The following KCNQ1 variants were observed in gnomAD, a reference collection of about 807,000 sequenced individuals.
The protein encoded by KCNQ1 is potassium voltage-gated channel subfamily KQT member 1.
A neutral mutation model predicts 72.4 loss-of-function variants in KCNQ1; 49 were observed. The observed-to-expected ratio is 0.68, with a 90% CI of 0.54 to 0.86. KCNQ1 has a LOEUF of 0.86. KCNQ1 is among the 40% of genes least tolerant of loss of function. KCNQ1 has a pLI of 0.00. For missense variants in KCNQ1, 790 were observed against 945.1 expected (o/e 0.84, Z 2.15); for synonymous variants, 450 against 412.6 (o/e 1.09, Z -1.10).
chr11:2,496,456 AAAT>A (rs1846918570), intron 1 of KCNQ1, among the ~76,000 whole-genome samples: 1 of 150,440 alleles, frequency 6.6e-6, no homozygotes, highest in East Asian at 1.9e-4. Context: ...AAAAAATAAA[AAAT>A]AAAATTAAAA....
At chr11:2,466,144 C>G (rs897918393) in intron 1 of KCNQ1, among the ~76,000 whole-genome samples, 1 of 152,180 alleles carries the variant, frequency 6.6e-6, no homozygotes, top group African/African-American at 2.4e-5. Context: ...TAGGGAGTGT[C>G]GCTGAGGAAG....
chr11:2,629,839 A>G (rs1168757470), intron 10 of KCNQ1: 2 of 397,432 alleles, frequency 5.0e-6, no homozygotes, highest in Non-Finnish European at 8.9e-6. Flanking sequence ...AGTCTGTAGC[A>G]TTTTCTACAT....
rs1847615321 is a variant in KCNQ1 at position 2,816,422 on chromosome 11, A to G, written c.1795-31345A>G. 1.3e-5 allele frequency among the ~76,000 whole-genome samples: 2 copies of G among 152,346 alleles called. No homozygotes were observed. Among genetic ancestry groups the G allele is most frequent in the African/African-American group, 4.8e-5 (2 of 41,586 alleles). On this transcript the variant is annotated intron_variant, in intron 15 of 15. Coordinates refer to ENST00000155840, the MANE Select transcript of KCNQ1 (RefSeq NM_000218.3). The surrounding 1 kb of genome is among the most constrained non-coding windows in gnomAD (Gnocchi z 6.8). ...TGAGACCACACTCACCCTGTGGTCC[A>G]GTGATCTCCTTCTGAGAATCCGCCC...
rs1054115951 is a variant in KCNQ1 at position 2,676,899 on chromosome 11, T to C, written c.1514+14818T>C. 2 of 398,508 alleles carry C rather than the reference T, an allele frequency of 5.0e-6. No individual in the cohort carries two copies. The highest frequency in any genetic ancestry group is 4.4e-6 in the Non-Finnish European group (1 of 226,060). The allele number at this position is 398,508 out of a possible 1,614,324, so 24.7% of individuals were successfully genotyped here. A position where few individuals can be genotyped will look rare whatever the true frequency, so the allele number is the denominator to read the frequency against. On this transcript the variant is annotated intron_variant, in intron 11 of 15. Coordinates refer to ENST00000155840, the MANE Select transcript of KCNQ1 (RefSeq NM_000218.3). This position sits in a 1 kb window ranked among gnomAD's most constrained non-coding sequence, Gnocchi z 4.2. ...TTTCTTAGTAAGTGTTCAGCCCCAG[T>C]GTGCACCACTTAAAAGGAAGACACT...
rs1042722806 is a variant in KCNQ1 at position 2,725,335 on chromosome 11, G to A, written c.1515-43509G>A. Among the ~76,000 whole-genome samples, 1 of 152,192 alleles carries A rather than the reference G, an allele frequency of 6.6e-6. No homozygotes were observed. Among genetic ancestry groups the A allele is most frequent in the Non-Finnish European group, 1.5e-5 (1 of 68,026 alleles). On this transcript the variant is annotated intron_variant, in intron 11 of 15. Coordinates refer to ENST00000155840, the MANE Select transcript of KCNQ1 (RefSeq NM_000218.3). This position sits in a 1 kb window ranked among gnomAD's most constrained non-coding sequence, Gnocchi z 7.2. ...TGCCAGAAATGTTCCCAGCTTTTTT[G>A]AGTTCGTGAGTGGCTGGTGGATACT...
chr11:2,812,407 G>A (rs1230478357), intron 15 of KCNQ1, among the ~76,000 whole-genome samples: 1 of 152,154 alleles, frequency 6.6e-6, no homozygotes, highest in Non-Finnish European at 1.5e-5. Context: ...GCAGTGCTCG[G>A]GGGCTCCAGT....
At chr11:2,696,736 A>G (rs1850682867) in intron 11 of KCNQ1, 1 of 398,464 alleles carries the variant, frequency 2.5e-6, no homozygotes, top group African/African-American at 2.1e-5. Flanking sequence ...ATATCCTCCA[A>G]TAGAGTTTTA....
In KCNQ1 at chr11:2,679,433, T is replaced by C. The variant is rs1325954120; in HGVS notation, c.1514+17352T>C. On this transcript the variant is annotated intron_variant, in intron 11 of 15. Transcript: ENST00000155840. This position sits in a 1 kb window ranked among gnomAD's most constrained non-coding sequence, Gnocchi z 4.8. Reference sequence around the variant, plus strand: ...TAAGAGTACCTTCCTCAGAGGGTTGTTAGGAGGATTACACAAATTAATAAT... The same window carrying C: ...TAAGAGTACCTTCCTCAGAGGGTTGCTAGGAGGATTACACAAATTAATAAT... 2.5e-6 allele frequency: 1 copy of C among 398,490 alleles called. No individual in the cohort carries two copies. The highest frequency in any genetic ancestry group is 2.1e-5 in the African/African-American group (1 of 48,608). The allele number at this position is 398,490 out of a possible 1,614,324, so 24.7% of individuals were successfully genotyped here.
Position 2,647,049 on chromosome 11 carries a change from T to C in KCNQ1, c.1394-14912T>C. On this transcript the variant is annotated intron_variant, in intron 10 of 15. Coordinates refer to ENST00000155840, the MANE Select transcript of KCNQ1 (RefSeq NM_000218.3). The surrounding 1 kb of genome is among the most constrained non-coding windows in gnomAD (Gnocchi z 4.0). Reference sequence around the variant, plus strand: ...TGAATAAGAATAGTGAAAGTGGGCATCCTTGTCTTGTTCTAGTTCTAAGAG... The same window carrying C: ...TGAATAAGAATAGTGAAAGTGGGCACCCTTGTCTTGTTCTAGTTCTAAGAG... 1 of 398,640 alleles carries C rather than the reference T, an allele frequency of 2.5e-6. No individual in the cohort carries two copies. The highest frequency in any genetic ancestry group is 4.4e-6 in the Non-Finnish European group (1 of 226,058). The allele number at this position is 398,640 out of a possible 1,614,324, so 24.7% of individuals were successfully genotyped here.
chr11:2,615,237 A>C (rs1849042111), intron 10 of KCNQ1: 3 of 397,988 alleles, frequency 7.5e-6, no homozygotes, highest in Admixed American at 4.4e-5. Flanking sequence ...ATTTTCTTAA[A>C]ATAAATGTTG....
At chr11:2,835,910 G>A (rs939002246) in intron 15 of KCNQ1, among the ~76,000 whole-genome samples, 3 of 152,270 alleles carry the variant, frequency 2.0e-5, no homozygotes, top group Admixed American at 2.0e-4. Context: ...GCACCGTGTG[G>A]GGTAAGCAGA....
At chr11:2,586,840 T>C (rs1037312333) in intron 8 of KCNQ1, among the ~76,000 whole-genome samples, 4 of 152,036 alleles carry the variant, frequency 2.6e-5, no homozygotes, top group African/African-American at 9.7e-5. Context: ...ATGTGGCCAG[T>C]GATGACAAGG....
rs1017685262 is a variant in KCNQ1, at chr11:2,657,089, C to A, written c.1394-4872C>A. 1 of 398,618 alleles carries A rather than the reference C, an allele frequency of 2.5e-6. No homozygotes were observed. The highest frequency in any genetic ancestry group is 2.1e-5 in the African/African-American group (1 of 48,742). The allele number at this position is 398,618 out of a possible 1,614,324, so 24.7% of individuals were successfully genotyped here. The stretch of plus-strand genomic sequence containing the variant: ...CTGTCCCATTGGCCTATTTGTCTCT[C>A]CCTGTGTCAATACCACATTGCCCTA... On this transcript the variant is annotated intron_variant, in intron 10 of 15. Transcript: ENST00000155840. This position sits in a 1 kb window ranked among gnomAD's most constrained non-coding sequence, Gnocchi z 4.8.
At chr11:2,810,921 A>G (rs1272291701) in intron 15 of KCNQ1, among the ~76,000 whole-genome samples, 1 of 152,218 alleles carries the variant, frequency 6.6e-6, no homozygotes, top group Non-Finnish European at 1.5e-5. Flanking sequence ...GAGGGACAGG[A>G]CATGGACCTC....
At position 2,549,369 on chromosome 11, in the gene KCNQ1, TGCCATCCTC is replaced by T. The variant is rs1003151725; in HGVS notation, c.478-21249_478-21241del. 1.3e-5 allele frequency among the ~76,000 whole-genome samples: 2 copies of T among 152,022 alleles called. No individual in the cohort carries two copies. The highest frequency in any genetic ancestry group is 4.8e-5 in the African/African-American group (2 of 41,400). On this transcript the variant is annotated intron_variant, in intron 2 of 15. Coordinates refer to ENST00000155840, the MANE Select transcript of KCNQ1 (RefSeq NM_000218.3). This position sits in a 1 kb window ranked among gnomAD's most constrained non-coding sequence, Gnocchi z 6.2. ...TGGGGCGACCCTCCTTGGCCGTCCT[TGCCATCCTC>T]GCCATCCTCTCTCCACACATCTGAC...
At chr11:2,568,416 C>T (rs920325173) in intron 2 of KCNQ1, among the ~76,000 whole-genome samples, 7 of 152,222 alleles carry the variant, frequency 4.6e-5, no homozygotes, top group Non-Finnish European at 7.3e-5. Context: ...CACCAATAGT[C>T]GGGTGAGCCG....
At chr11:2,594,628 A>C (rs1221520608) in intron 10 of KCNQ1, among the ~76,000 whole-genome samples, 1 of 152,088 alleles carries the variant, frequency 6.6e-6, no homozygotes. Flanking sequence ...TTTTCTATGC[A>C]GTTTCTAACT....
Position 2,720,587 on chromosome 11 carries a change from C to T in KCNQ1, c.1515-48257C>T, listed in dbSNP as rs1055643371. The stretch of plus-strand genomic sequence containing the variant: ...TCCAGAACTCTGAGCTCCTGTGGGT[C>T]CTTCTCTGAGTGTCCTATGTTGGGG... On this transcript the variant is annotated intron_variant, in intron 11 of 15. Coordinates refer to ENST00000155840, the MANE Select transcript of KCNQ1 (RefSeq NM_000218.3). This position sits in a 1 kb window ranked among gnomAD's most constrained non-coding sequence, Gnocchi z 5.1. Among the ~76,000 whole-genome samples the T allele has an allele frequency of 1.3e-5, 2 of 152,184 alleles. No individual in the cohort carries two copies. Among genetic ancestry groups the T allele is most frequent in the Non-Finnish European group, 2.9e-5 (2 of 68,016 alleles).
At chr11:2,841,705 A>G (rs57273868) in intron 15 of KCNQ1, among the ~76,000 whole-genome samples, 3,772 of 152,334 alleles carry the variant, frequency 0.025, 146 homozygotes, top group African/African-American at 0.085. Context: ...CCGAGGTCCC[A>G]GGAAGGGAAC....
Sources: allele counts gnomAD v4.1 joint callset (sites outside exome capture counted in the v4.1 genomes callset), GRCh38; gene constraint gnomAD v4.1.1; non-coding constraint Gnocchi (gnomAD v3.1); transcripts MANE v1.5; gene names NCBI Gene and HGNC (gene_info 2026-07-23, HGNC 2026-07-21).